RAD17: variants seen among roughly 807,000 people sequenced by gnomAD.
RAD17 encodes the protein RAD17 checkpoint clamp loader component.
Under a neutral mutation model 81.5 loss-of-function variants are expected in RAD17, and 31 were observed. That is an observed-to-expected ratio of 0.38 (90% confidence interval 0.29 to 0.51). RAD17 has a LOEUF of 0.51. Ranked by LOEUF, RAD17 falls within the 20% of genes least tolerant of loss-of-function variation. The pLI, the probability that RAD17 is intolerant of heterozygous loss-of-function variation, is 0.88. For missense variants in RAD17, 681 were observed against 781.2 expected (o/e 0.87, Z 1.53); for synonymous variants, 261 against 266.2 (o/e 0.98, Z 0.19).
chr5:69,373,752 T>G (rs1763166106), intron 4 of RAD17, 78 bp from the exon 5 acceptor site: 1 of 1,122,852 alleles, frequency 8.9e-7, no homozygotes, highest in African/African-American at 1.6e-5. Context: ...AATATGTTGT[T>G]TCCAGAGTAG....
Position 69,396,462 on chromosome 5 carries a change from AGCCCGAGGATATGCTCATTGCCAAGG to A in RAD17, c.1489_1514del (p.Ala497ArgfsTer18). The A allele has an allele frequency of 1.2e-6, 2 of 1,613,764 alleles. No homozygotes were observed. Among genetic ancestry groups the A allele is most frequent in the Admixed American group, 3.3e-5 (2 of 60,000 alleles). On this transcript the variant is annotated frameshift_variant, in exon 16 of 19. Transcript: ENST00000354868. LOFTEE classifies it high-confidence loss of function. Reference sequence around the variant, plus strand: ...CGAGAGGTGTGATGCATTCCAACAAAGCCCGAGGATATGCTCATTGCCAAGGAGGAGGATCAAGTTTTCGACCCTTG... The same window carrying A: ...CGAGAGGTGTGATGCATTCCAACAAAAGGAGGATCAAGTTTTCGACCCTTG...
Position 69,374,709 on chromosome 5 carries a change from C to T in RAD17, c.349C>T (p.Gln117Ter), listed in dbSNP as rs1763231260. 6.3e-7 allele frequency: 1 copy of T among 1,599,584 alleles called. No homozygotes were observed. Residue 117 changes from glutamine to a stop codon, truncating the protein, a stop_gained and splice_region_variant, in exon 6 of 19, where the codon CAG (glutamine) becomes TAG (stop). Coordinates refer to ENST00000354868, the MANE Select transcript of RAD17 (RefSeq NM_133338.3). LOFTEE classifies it high-confidence loss of function. ...TCAAGTTTTAGAAAGGCAACCAAAACAGGTAACTAAGAAATGTGTTTTTAA... is the reference window on the plus strand; with the variant it reads ...TCAAGTTTTAGAAAGGCAACCAAAATAGGTAACTAAGAAATGTGTTTTTAA... Reference protein sequence around the residue: ...KAQVLERQPKQGGSILLITGP... With the variant: ...KAQVLERQPK
chr5:69,406,365 G>A (rs993074973), intron 17 of RAD17, among the ~76,000 whole-genome samples: 31 of 151,096 alleles, frequency 2.1e-4, no homozygotes. Flanking sequence ...AGCACAGAAT[G>A]GGATTACCAT....
upstream of RAD17, chr5:69,369,550 A>T: frequency 6.2e-7 from 1 of 1,609,544 alleles, no homozygotes. Flanking sequence ...TACAGGGAGG[A>T]GCCGGAAGGG....
Position 69,372,168 on chromosome 5 carries a change from C to T in RAD17, c.-41C>T, listed in dbSNP as rs762169409. On this transcript the variant is annotated 5_prime_UTR_variant, in exon 4 of 19. Coordinates refer to ENST00000354868, the MANE Select transcript of RAD17 (RefSeq NM_133338.3). ...TCTCAAAAATATAGAGGAAAGGGGC[C>T]AAGATTATAGTACCAGTCACAATCT... is the stretch of plus-strand genomic sequence containing the variant. 4.4e-6 allele frequency: 7 copies of T among 1,598,606 alleles called. No individual in the cohort carries two copies. In the South Asian group the frequency reaches 6.8e-5, roughly 15 times the overall value.
In RAD17 at chr5:69,386,319, T is replaced by C. The variant is rs1764210013; in HGVS notation, c.824+14T>C. On this transcript the variant is annotated intron_variant, in intron 10 of 18. Transcript: ENST00000354868. The stretch of plus-strand genomic sequence containing the variant: ...CTCAAATATTAGGTAAGAAAGAAAT[T>C]TCTGCTTATAAAGGTCACATACATA... The C allele has an allele frequency of 6.3e-7, 1 of 1,589,398 alleles. No individual in the cohort carries two copies. The highest frequency in any genetic ancestry group is 1.8e-5 in the Admixed American group (1 of 55,624).
At chr5:69,387,624 G>A (rs1278119141) in intron 11 of RAD17, among the ~76,000 whole-genome samples, 2 of 152,252 alleles carry the variant, frequency 1.3e-5, no homozygotes, top group East Asian at 1.9e-4. Context: ...TTGGGAGGCC[G>A]AGGTGGGTGT....
At chr5:69,389,751 C>T (rs912374309) in intron 12 of RAD17, among the ~76,000 whole-genome samples, 1 of 152,202 alleles carries the variant, frequency 6.6e-6, no homozygotes, top group African/African-American at 2.4e-5. Context: ...CAGCATTCTC[C>T]TGCCTCAGCC....
intron 4 of RAD17, 112 bp from the exon 5 acceptor site, chr5:69,373,709 TTTTTTTTAA>T: frequency 1.9e-6 from 1 of 536,244 alleles, no homozygotes; most frequent in Non-Finnish European, 2.7e-6. Context: ...TTTTTTTTTT[TTTTTTTTAA>T]GTTTTAAAGG....
Position 69,373,686 on chromosome 5 carries a change from A to AT in RAD17, c.10-114dup, listed in dbSNP as rs56385833. 2,245 of 251,816 alleles carry AT rather than the reference A, an allele frequency of 8.9e-3. 84 individuals carry two copies. In the African/African-American group the frequency reaches 0.1, roughly 11 times the overall value. 15.6% of individuals were successfully genotyped at this position (251,816 alleles called of 1,614,324 possible). A position where few individuals can be genotyped will look rare whatever the true frequency, so the allele number is the denominator to read the frequency against. On this transcript the variant is annotated intron_variant, in intron 4 of 18. Coordinates refer to ENST00000354868, the MANE Select transcript of RAD17 (RefSeq NM_133338.3). ...CAGAGTGAGACCCGGTCTCAAAAAA[A>AT]TTTTTTTTTTTTTTTTTTTTTTTTT...
rs1295615254 is a variant in RAD17, at chr5:69,369,855, C to T, written c.-495C>T. ...GGCTCGGCGTTGAGCCCGGGTAGGG[C>T]CAGGTGGCTGCCCTTTCACCTAGGG... On this transcript the variant is annotated 5_prime_UTR_variant, in exon 1 of 19. Coordinates refer to ENST00000354868, the MANE Select transcript of RAD17 (RefSeq NM_133338.3). 6 of 741,612 alleles carry T rather than the reference C, an allele frequency of 8.1e-6. No individual in the cohort carries two copies. In the East Asian group the frequency reaches 1.4e-4, roughly 17 times the overall value. 45.9% of individuals were successfully genotyped at this position (741,612 alleles called of 1,614,324 possible).
intron 17 of RAD17, 35 bp downstream of exon 17, chr5:69,400,204 T>C: frequency 1.6e-6 from 1 of 625,032 alleles, no homozygotes; most frequent in Non-Finnish European, 2.4e-6. Flanking sequence ...TTTTAAGAAG[T>C]AGGGTTTATT....
At chr5:69,409,121 G>A (rs900492082) in intron 17 of RAD17, among the ~76,000 whole-genome samples, 1 of 151,964 alleles carries the variant, frequency 6.6e-6, no homozygotes, top group Non-Finnish European at 1.5e-5. Flanking sequence ...TTTTTCCTAC[G>A]GACTGCCTCT....
At chr5:69,413,692 G>A (rs1043561798) in intron 18 of RAD17, among the ~76,000 whole-genome samples, 1 of 152,056 alleles carries the variant, frequency 6.6e-6, no homozygotes, top group African/African-American at 2.4e-5. Context: ...GTGCCACCAC[G>A]CCTGGCTAAT....
In RAD17 at chr5:69,371,478, A is replaced by G. The variant is rs1289401031; in HGVS notation, c.-255A>G. 1.3e-6 allele frequency: 1 copy of G among 778,334 alleles called. No individual in the cohort carries two copies. Among genetic ancestry groups the G allele is most frequent in the Non-Finnish European group, 1.8e-6 (1 of 557,300 alleles). The allele number at this position is 778,334 out of a possible 1,614,324, so 48.2% of individuals were successfully genotyped here. A position where few individuals can be genotyped will look rare whatever the true frequency, so the allele number is the denominator to read the frequency against. Reference sequence around the variant, plus strand: ...GGTGAATTATAGTTTAATGTACTGCAAGTCCTAAACTACGGATGGGAACTA... The same window carrying G: ...GGTGAATTATAGTTTAATGTACTGCGAGTCCTAAACTACGGATGGGAACTA... On this transcript the variant is annotated 5_prime_UTR_variant, in exon 3 of 19. Coordinates refer to ENST00000354868, the MANE Select transcript of RAD17 (RefSeq NM_133338.3).
chr5:69,375,860 G>GT (rs1308151748), intron 6 of RAD17, among the ~76,000 whole-genome samples: 1 of 150,232 alleles, frequency 6.7e-6, no homozygotes, highest in Non-Finnish European at 1.5e-5. Flanking sequence ...TCTAATAATA[G>GT]TTTACTAACC....
chr5:69,409,156 C>G (rs1339091799), intron 17 of RAD17, among the ~76,000 whole-genome samples: 5 of 152,138 alleles, frequency 3.3e-5, no homozygotes, highest in Admixed American at 2.0e-4. Context: ...CTCTAAGCCA[C>G]TTATTCTGGG....
Position 69,381,906 on chromosome 5 carries a change from A to T in RAD17, c.357A>T (p.Gly119=). The T allele has an allele frequency of 3.1e-6, 5 of 1,587,522 alleles. No homozygotes were observed. The highest frequency in any genetic ancestry group is 2.2e-5 in the East Asian group (1 of 44,660). Residue 119 remains glycine, a synonymous_variant, in exon 7 of 19, where the codon GGA becomes GGT. Transcript: ENST00000354868. ...QVLERQPKQG[G]SILLITGPPG... is the part of the protein sequence containing the mutation. ...ATATTTGTATTTGATTTTAGGGTGG[A>T]TCTATTTTATTAATAACAGGTCCTC... is the stretch of plus-strand genomic sequence containing the variant.
chr5:69,399,113 T>A (rs771832882), intron 16 of RAD17, among the ~76,000 whole-genome samples: 1 of 151,522 alleles, frequency 6.6e-6, no homozygotes, highest in Non-Finnish European at 1.5e-5. Context: ...AAAGGAAAAA[T>A]TTTTTTTGTT....
Sources: allele counts gnomAD v4.1 joint callset (sites outside exome capture counted in the v4.1 genomes callset), GRCh38; gene constraint gnomAD v4.1.1; transcripts MANE v1.5; gene names NCBI Gene and HGNC (gene_info 2026-07-23, HGNC 2026-07-21).